ERC2: variants seen among roughly 807,000 people sequenced by gnomAD.
ERC2 encodes the protein ERC protein 2.
In ERC2, 42 loss-of-function variants were observed where a neutral mutation model predicts 114.8. The ratio of observed to expected loss-of-function variants is 0.37; its 90% confidence interval spans 0.29 to 0.47. ERC2 has a LOEUF of 0.47. ERC2 is among the 20% of genes least tolerant of loss of function. The pLI, the probability that ERC2 is intolerant of heterozygous loss-of-function variation, is 0.99. For missense variants in ERC2, 939 were observed against 1,150.7 expected, an observed-to-expected ratio of 0.82 and a Z score of 2.66; for synonymous variants, 454 against 425.5, an observed-to-expected ratio of 1.07 and a Z score of -0.82.
chr3:56,119,709 T>C (rs1411175207), intron 6 of ERC2, among the ~76,000 whole-genome samples: 1 of 152,214 alleles, frequency 6.6e-6, no homozygotes. Flanking sequence ...TTGATAGACA[T>C]AGTTGGAACT....
intron 7 of ERC2, among the ~76,000 whole-genome samples, chr3:56,023,882 G>A (rs539852324): frequency 7.2e-5 from 11 of 152,132 alleles, no homozygotes; most frequent in African/African-American, 2.2e-4. Context: ...CTTCAGCTCC[G>A]AGATTCTACA....
At chr3:55,847,073 C>A (rs1012638299) in intron 14 of ERC2, among the ~76,000 whole-genome samples, 1 of 152,060 alleles carries the variant, frequency 6.6e-6, no homozygotes, top group African/African-American at 2.4e-5. Context: ...AACACAAACA[C>A]GCTGGGAAAA....
intron 1 of ERC2, among the ~76,000 whole-genome samples, chr3:56,437,272 A>T (rs981956412): frequency 6.6e-6 from 1 of 152,248 alleles, no homozygotes; most frequent in African/African-American, 2.4e-5. Flanking sequence ...AGCCGCCCCA[A>T]GATGTGTGAG....
intron 17 of ERC2, among the ~76,000 whole-genome samples, chr3:55,589,476 A>G (rs1260535724): frequency 6.6e-6 from 1 of 152,162 alleles, no homozygotes; most frequent in Non-Finnish European, 1.5e-5. Flanking sequence ...GGAGCTGTGC[A>G]GTGGACAACT....
intron 3 of ERC2, among the ~76,000 whole-genome samples, chr3:56,197,980 G>A (rs1199144682): frequency 2.0e-5 from 3 of 152,154 alleles, no homozygotes; most frequent in Non-Finnish European, 4.4e-5. Context: ...TGTGGAACAC[G>A]TAGTTAACTA....
At chr3:55,942,433 C>A (rs527392129) in intron 13 of ERC2, among the ~76,000 whole-genome samples, 1 of 147,806 alleles carries the variant, frequency 6.8e-6, no homozygotes, top group African/African-American at 2.5e-5. Context: ...GGACTACAGG[C>A]GCCCGCCACT....
At chr3:55,951,434 T>C (rs2067496914) in intron 12 of ERC2, among the ~76,000 whole-genome samples, 1 of 152,082 alleles carries the variant, frequency 6.6e-6, no homozygotes, top group Admixed American at 6.5e-5. Flanking sequence ...GATGTCAAAG[T>C]GCAAAATCAT....
At chr3:56,324,250 A>C (rs1301408286) in intron 2 of ERC2, among the ~76,000 whole-genome samples, 4 of 152,170 alleles carry the variant, frequency 2.6e-5, no homozygotes, top group Non-Finnish European at 4.4e-5. Flanking sequence ...AGCTGGCTTT[A>C]AATTTATCAG....
chr3:56,343,192 T>TCTCTCTCTCTCTCTCTCTCTCTCTCA (rs1376220124), intron 2 of ERC2, among the ~76,000 whole-genome samples: 2 of 126,208 alleles, frequency 1.6e-5, no homozygotes, highest in Admixed American at 8.3e-5. Context: ...TCTCTCTCTC[T>TCTCTCTCTCTCTCTCTCTCTCTCTCA]CACACACACA....
chr3:55,566,954 G>A (rs907747242), intron 17 of ERC2, among the ~76,000 whole-genome samples: 2 of 152,198 alleles, frequency 1.3e-5, no homozygotes, highest in Non-Finnish European at 2.9e-5. Flanking sequence ...GCCTGCCTTG[G>A]CCTCCCAAAG....
At chr3:55,850,566 T>C (rs78121191) in intron 14 of ERC2, among the ~76,000 whole-genome samples, 3,010 of 152,230 alleles carry the variant, frequency 0.02, 98 homozygotes, top group African/African-American at 0.069. Flanking sequence ...GGTCAACTGT[T>C]TTAGATGCAT....
intron 13 of ERC2, among the ~76,000 whole-genome samples, chr3:55,928,338 GC>G (rs1246659350): frequency 1.3e-5 from 2 of 152,106 alleles, no homozygotes; most frequent in African/African-American, 4.8e-5. Context: ...TTGTAGTTTT[GC>G]TTTGCCTTTC....
intron 17 of ERC2, among the ~76,000 whole-genome samples, chr3:55,592,380 C>G (rs2057933637): frequency 6.6e-6 from 1 of 152,130 alleles, no homozygotes; most frequent in Non-Finnish European, 1.5e-5. Flanking sequence ...TTTACTGATG[C>G]TTGTATCTCT....
chr3:56,384,310 A>C (rs1482088886), intron 2 of ERC2, among the ~76,000 whole-genome samples: 1 of 152,142 alleles, frequency 6.6e-6, no homozygotes. Context: ...ATCATTTTCT[A>C]TTCCCTCCAT....
intron 17 of ERC2, among the ~76,000 whole-genome samples, chr3:55,577,944 G>A (rs1057390590): frequency 6.6e-6 from 1 of 152,222 alleles, no homozygotes; most frequent in African/African-American, 2.4e-5. Flanking sequence ...GCCCTACTCT[G>A]TGCTGGGCAC....
At chr3:55,947,552 T>C (rs1030266424) in intron 13 of ERC2, among the ~76,000 whole-genome samples, 1 of 133,574 alleles carries the variant, frequency 7.5e-6, no homozygotes, top group African/African-American at 2.5e-5. Context: ...GCCTAGTATG[T>C]TTTTGCTCAT....
At chr3:55,848,818 GAAACA>G (rs377493687) in intron 14 of ERC2, among the ~76,000 whole-genome samples, 4 of 151,972 alleles carry the variant, frequency 2.6e-5, no homozygotes, top group Non-Finnish European at 4.4e-5. Context: ...TTTGTTTGGG[GAAACA>G]AAACAAAACA....
chr3:55,878,989 C>T (rs913602566), intron 14 of ERC2, among the ~76,000 whole-genome samples: 2 of 152,012 alleles, frequency 1.3e-5, no homozygotes, highest in Non-Finnish European at 2.9e-5. Context: ...AAAATAAATG[C>T]CTAAAAATTC....
At chr3:56,221,524 G>A (rs1384635417) in intron 3 of ERC2, among the ~76,000 whole-genome samples, 2 of 152,120 alleles carry the variant, frequency 1.3e-5, no homozygotes, top group Non-Finnish European at 2.9e-5. Context: ...AGAACACTGA[G>A]GGCAGGTTAT....
Sources: allele counts gnomAD v4.1 joint callset (sites outside exome capture counted in the v4.1 genomes callset), GRCh38; gene constraint gnomAD v4.1.1; transcripts MANE v1.5; gene names NCBI Gene and HGNC (gene_info 2026-07-23, HGNC 2026-07-21).